KLF12: variants seen among roughly 807,000 people sequenced by gnomAD.
The protein encoded by KLF12 is KLF transcription factor 12.
KLF12 carries 9 observed loss-of-function variants against 37.8 expected under a neutral mutation model. That is an observed-to-expected ratio of 0.24 (90% CI 0.14 to 0.42). The LOEUF (loss-of-function observed/expected upper bound fraction) is 0.42, where lower values mean the gene tolerates loss of function less well. Ranked by LOEUF, KLF12 falls within the 10% of genes least tolerant of loss-of-function variation. KLF12 has a pLI of 1.00. For synonymous variants in KLF12, 208 were observed against 202.1 expected (o/e 1.03, Z -0.25); for missense variants, 411 against 516.0 (o/e 0.80, Z 1.97).
chr13:73,890,739 C>A (rs1887467064), intron 3 of KLF12, among the ~76,000 whole-genome samples: 1 of 151,748 alleles, frequency 6.6e-6, no homozygotes. Flanking sequence ...TAAAAGATTC[C>A]AGTCAATCTG....
intron 1 of KLF12, among the ~76,000 whole-genome samples, chr13:74,041,287 C>T (rs1415708815): frequency 1.3e-5 from 2 of 152,136 alleles, no homozygotes; most frequent in Admixed American, 6.6e-5. Context: ...CATTCATGTG[C>T]CCTGTAGTAT....
the KLF12 span, among the ~76,000 whole-genome samples, chr13:74,255,324 T>G: frequency 3.3e-5 from 5 of 152,210 alleles, no homozygotes. Context: ...CTCAGCACAT[T>G]GCATGTGCCA....
chr13:73,957,065 G>A (rs9530265), intron 2 of KLF12, among the ~76,000 whole-genome samples: 1,190 of 63,062 alleles, frequency 0.019, 20 homozygotes, highest in East Asian at 0.046. Flanking sequence ...GGAAAGGAAA[G>A]GAAAGGAAAG....
chr13:73,823,908 T>C (rs536007424), intron 4 of KLF12, among the ~76,000 whole-genome samples: 1 of 152,052 alleles, frequency 6.6e-6, no homozygotes, highest in African/African-American at 2.4e-5. Context: ...CAGGGTTTCA[T>C]CTTACTGGAA....
chr13:73,989,382 C>T lies in KLF12; in HGVS notation c.33+5608G>A, dbSNP rs138122887. Among the ~76,000 whole-genome samples the T allele has an allele frequency of 3.6e-3, 547 of 152,258 alleles. 1 individual carries two copies. Among genetic ancestry groups the T allele is most frequent in the Middle Eastern group, 0.01 (3 of 294 alleles). ...GACCTATTCAATGACCCTTTGATTA[C>T]GATAGACATCAGACTAAGTGAATAC... On this transcript the variant is annotated intron_variant, in intron 2 of 7. Transcript: ENST00000377669.
the KLF12 span, among the ~76,000 whole-genome samples, chr13:74,243,741 A>G: frequency 1.3e-5 from 2 of 152,096 alleles, no homozygotes; most frequent in Non-Finnish European, 2.9e-5. Context: ...TTTGTTGGCC[A>G]TGAGAGGACA....
chr13:74,092,296 C>CA (rs35528942), intron 1 of KLF12, among the ~76,000 whole-genome samples: 53 of 136,840 alleles, frequency 3.9e-4, no homozygotes, highest in Admixed American at 7.2e-4. Flanking sequence ...GACTCCGTCT[C>CA]AAAAAAAAAA....
the KLF12 span, among the ~76,000 whole-genome samples, chr13:74,287,349 T>TGAGAGAGAGAGAGAGAGAGAGAGA: frequency 5.5e-3 from 394 of 71,868 alleles, 34 homozygotes; most frequent in African/African-American, 0.011. Flanking sequence ...CTATCAAAGT[T>TGAGAGAGAGAGAGAGAGAGAGAGA]GAGAGAGAGA....
chr13:74,080,541 C>T (rs545737890), intron 1 of KLF12, among the ~76,000 whole-genome samples: 11 of 150,282 alleles, frequency 7.3e-5, no homozygotes, highest in South Asian at 4.2e-4. Flanking sequence ...AAAAAAGCAA[C>T]GTATATGTTA....
At chr13:73,951,182 G>C (rs1890633665) in intron 2 of KLF12, among the ~76,000 whole-genome samples, 1 of 152,060 alleles carries the variant, frequency 6.6e-6, no homozygotes. Flanking sequence ...ATGTACCAGG[G>C]GTTGTTTCAT....
chr13:73,892,744 AAGAC>A lies in KLF12; in HGVS notation c.124-46375_124-46372del, dbSNP rs67970435. Among the ~76,000 whole-genome samples the A allele has an allele frequency of 6.7e-3, 1,023 of 152,310 alleles. 3 individuals are homozygous for A. The highest frequency in any genetic ancestry group is 9.9e-3 in the Non-Finnish European group (675 of 68,016). ...TCTTTTTAGTAAATAAAGAAACTGA[AAGAC>A]AGTTTTTGCACAGCAACATGCAATT... On this transcript the variant is annotated intron_variant, in intron 3 of 7. Coordinates refer to ENST00000377669, the MANE Select transcript of KLF12 (RefSeq NM_007249.5).
the KLF12 span, among the ~76,000 whole-genome samples, chr13:74,143,742 T>C: frequency 6.6e-6 from 1 of 152,194 alleles, no homozygotes; most frequent in Non-Finnish European, 1.5e-5. Flanking sequence ...GTGAAAGGGA[T>C]ATGCATTCAG....
chr13:74,011,462 C>T (rs993642026), intron 1 of KLF12, among the ~76,000 whole-genome samples: 1 of 152,116 alleles, frequency 6.6e-6, no homozygotes, highest in African/African-American at 2.4e-5. Context: ...ATTTACTAAT[C>T]ATTTTCTATT....
At chr13:74,108,020 T>A (rs1876750717) in intron 1 of KLF12, among the ~76,000 whole-genome samples, 1 of 152,188 alleles carries the variant, frequency 6.6e-6, no homozygotes, top group Admixed American at 6.5e-5. Flanking sequence ...CTGGCTAAGT[T>A]TTCAATGTAC....
At chr13:73,754,269 C>T (rs569314784) in intron 6 of KLF12, among the ~76,000 whole-genome samples, 16 of 152,288 alleles carry the variant, frequency 1.1e-4, no homozygotes, top group African/African-American at 3.6e-4. Flanking sequence ...GTTAGGGCTA[C>T]ATCTAATCAA....
the KLF12 span, among the ~76,000 whole-genome samples, chr13:74,246,686 T>C: frequency 6.6e-6 from 1 of 152,184 alleles, no homozygotes; most frequent in Non-Finnish European, 1.5e-5. Flanking sequence ...ATCACCTCAG[T>C]GGCGTTTCCA....
intron 1 of KLF12, among the ~76,000 whole-genome samples, chr13:74,059,512 T>C (rs954901107): frequency 1.3e-5 from 2 of 152,242 alleles, no homozygotes; most frequent in African/African-American, 4.8e-5. Context: ...TATCTCATTG[T>C]GGTTTTGATT....
chr13:73,943,281 TTA>T (rs376448957), intron 3 of KLF12, among the ~76,000 whole-genome samples: 1 of 152,302 alleles, frequency 6.6e-6, no homozygotes, highest in African/African-American at 2.4e-5. Context: ...GAGCAGCACT[TTA>T]TCTCTTAAAG....
intron 5 of KLF12, among the ~76,000 whole-genome samples, chr13:73,772,835 G>A (rs987803485): frequency 5.3e-5 from 8 of 152,170 alleles, no homozygotes; most frequent in Non-Finnish European, 1.0e-4. Flanking sequence ...CTGCAATAAT[G>A]TCACAAAGCG....
Sources: gnomAD v4.1 joint callset for allele counts (sites outside exome capture counted in the v4.1 genomes callset) on GRCh38, gnomAD v4.1.1 for gene constraint, MANE v1.5 for transcripts, NCBI Gene and HGNC (gene_info 2026-07-23, HGNC 2026-07-21) for gene names.